The following ABLIM2 variants were observed in gnomAD, a reference collection of about 807,000 sequenced individuals.
ABLIM2 encodes the protein actin-binding LIM protein 2.
Under a neutral mutation model 97.7 loss-of-function variants are expected in ABLIM2, and 53 were observed. The observed-to-expected ratio is 0.54, with a 90% confidence interval of 0.44 to 0.68. The LOEUF (loss-of-function observed/expected upper bound fraction) is 0.68. Among genes scored for constraint, ABLIM2 ranks in the 30% least tolerant of loss-of-function variants. The probability of loss-of-function intolerance (pLI) is 0.00; values close to 1 mark genes in which losing one functional copy is unlikely to be tolerated. For synonymous variants in ABLIM2, 361 were observed against 345.8 expected (o/e 1.04, Z -0.49); for missense variants, 835 against 867.2 (o/e 0.96, Z 0.47).
At chr4:8,158,202 G>A (rs1375615991) in intron 1 of ABLIM2, among the ~76,000 whole-genome samples, 1 of 152,332 alleles carries the variant, frequency 6.6e-6, no homozygotes, top group African/African-American at 2.4e-5. Flanking sequence ...CCTGGGCGCC[G>A]AGGGTCGGCC....
intron 16 of ABLIM2, chr4:7,993,854 C>G: frequency 2.1e-6 from 1 of 468,572 alleles, no homozygotes; most frequent in Non-Finnish European, 4.3e-6. Flanking sequence ...TCCCAGCCCC[C>G]ACCGAGCTCC....
At chr4:8,057,695 C>T (rs1168618679) in intron 7 of ABLIM2, among the ~76,000 whole-genome samples, 1 of 152,212 alleles carries the variant, frequency 6.6e-6, no homozygotes, top group Non-Finnish European at 1.5e-5. Context: ...ATCTAATGCC[C>T]CACCCCATGT....
At chr4:8,024,707 C>T (rs901311917) in intron 12 of ABLIM2, among the ~76,000 whole-genome samples, 3 of 152,194 alleles carry the variant, frequency 2.0e-5, no homozygotes, top group Admixed American at 1.3e-4. Flanking sequence ...AACGGGACCC[C>T]GGGTAGAAGC....
chr4:8,152,113 C>A (rs143393168), intron 1 of ABLIM2, among the ~76,000 whole-genome samples: 1 of 152,166 alleles, frequency 6.6e-6, no homozygotes, highest in Non-Finnish European at 1.5e-5. Context: ...GTGAGACCCT[C>A]ACCAAGAAGC....
chr4:7,982,785 C>A (rs555180609), intron 20 of ABLIM2, among the ~76,000 whole-genome samples: 1 of 152,212 alleles, frequency 6.6e-6, no homozygotes, highest in South Asian at 2.1e-4. Flanking sequence ...CTCACTGCAA[C>A]CTCTGCCTCC....
intron 3 of ABLIM2, among the ~76,000 whole-genome samples, chr4:8,091,598 TTA>T (rs1491131226): frequency 5.3e-4 from 18 of 33,794 alleles, no homozygotes; most frequent in East Asian, 2.4e-3. Flanking sequence ...ATATATATAA[TTA>T]TATATATTAT....
rs1846190478 is a variant in ABLIM2 at position 8,123,046 on chromosome 4, T to C, written c.11-16409A>G. Among the ~76,000 whole-genome samples, 1 of 152,200 alleles carries C rather than the reference T, an allele frequency of 6.6e-6. No homozygotes were observed. Among genetic ancestry groups the C allele is most frequent in the African/African-American group, 2.4e-5 (1 of 41,456 alleles). On this transcript the variant is annotated intron_variant, in intron 1 of 20. Coordinates refer to ENST00000447017, the MANE Select transcript of ABLIM2 (RefSeq NM_001130083.2). This position sits in a 1 kb window ranked among gnomAD's most constrained non-coding sequence, Gnocchi z 6.2. Reference sequence around the variant, plus strand: ...GCCTCCTTCCTATCTGCTGCTGCTCTTCCTGGCATGAAGCAGTCCCCTGTG... The same window carrying C: ...GCCTCCTTCCTATCTGCTGCTGCTCCTCCTGGCATGAAGCAGTCCCCTGTG...
intron 20 of ABLIM2, among the ~76,000 whole-genome samples, chr4:7,968,377 G>A (rs896615081): frequency 6.6e-6 from 1 of 152,240 alleles, no homozygotes; most frequent in African/African-American, 2.4e-5. Context: ...GATGATGGTC[G>A]CCCATGTTCC....
rs1418228633 is a variant in ABLIM2, at chr4:8,158,616, C to A, written c.10+64G>T. 1.1e-5 allele frequency: 16 copies of A among 1,502,388 alleles called. No individual in the cohort carries two copies. In the East Asian group the frequency reaches 1.9e-4, roughly 18 times the overall value. 93.1% of individuals were successfully genotyped at this position (1,502,388 alleles called of 1,614,324 possible). Reference sequence around the variant, plus strand: ...TGCAGGTGCAGCCTCCGAATGCCACCCAGCCCTTGCGGCGCCGCGAGCCAG... The same window carrying A: ...TGCAGGTGCAGCCTCCGAATGCCACACAGCCCTTGCGGCGCCGCGAGCCAG... On this transcript the variant is annotated intron_variant, in intron 1 of 20. Transcript: ENST00000447017.
At chr4:7,973,248 T>G (rs1729740615) in intron 20 of ABLIM2, among the ~76,000 whole-genome samples, 1 of 151,870 alleles carries the variant, frequency 6.6e-6, no homozygotes, top group African/African-American at 2.4e-5. Context: ...CAGTGGCTCA[T>G]GCCTGTAATC....
intron 17 of ABLIM2, among the ~76,000 whole-genome samples, chr4:7,990,403 C>T (rs1320367785): frequency 2.0e-5 from 3 of 152,090 alleles, no homozygotes; most frequent in Middle Eastern, 3.2e-3. Flanking sequence ...GCAGGCTGGT[C>T]TTGAACTCCT....
chr4:8,152,629 T>C (rs1192496154), intron 1 of ABLIM2, among the ~76,000 whole-genome samples: 1 of 152,146 alleles, frequency 6.6e-6, no homozygotes, highest in Non-Finnish European at 1.5e-5. Flanking sequence ...GCCTCGGAGG[T>C]CTGCTCTTTC....
chr4:8,086,062 A>G (rs1823404293), intron 4 of ABLIM2, among the ~76,000 whole-genome samples: 1 of 152,182 alleles, frequency 6.6e-6, no homozygotes, highest in African/African-American at 2.4e-5. Flanking sequence ...GACTGCAGAC[A>G]TCCACGCAGG....
intron 2 of ABLIM2, among the ~76,000 whole-genome samples, chr4:8,099,802 G>A (rs1297470149): frequency 5.3e-5 from 8 of 152,206 alleles, no homozygotes; most frequent in Middle Eastern, 3.4e-3. Context: ...CCGAGATCGC[G>A]CCACTGCACT....
chr4:8,108,870 CT>C (rs1347425898), intron 1 of ABLIM2, among the ~76,000 whole-genome samples: 3 of 152,350 alleles, frequency 2.0e-5, no homozygotes, highest in East Asian at 3.9e-4. Flanking sequence ...CCAGCTCCCC[CT>C]GTCTTGGTCT....
chr4:8,088,970 G>A (rs73216491), intron 3 of ABLIM2, among the ~76,000 whole-genome samples: 3,232 of 152,316 alleles, frequency 0.021, 54 homozygotes, highest in Middle Eastern at 0.041. Context: ...ACACCTCGTA[G>A]ACAGGAAGAT....
At position 7,989,072 on chromosome 4, in the gene ABLIM2, C is replaced by CTTTTTTTT. The variant is rs71175445; in HGVS notation, c.1680+3786_1680+3793dup. 6.6e-4 allele frequency among the ~76,000 whole-genome samples: 54 copies of CTTTTTTTT among 81,352 alleles called. 1 individual carries two copies. The highest frequency in any genetic ancestry group is 8.7e-4 in the Non-Finnish European group (39 of 44,718). The allele number at this position is 81,352 out of a possible 152,430, so 53.4% of individuals were successfully genotyped here. On this transcript the variant is annotated intron_variant, in intron 17 of 20. Coordinates refer to ENST00000447017, the MANE Select transcript of ABLIM2 (RefSeq NM_001130083.2). ...TTTTTTGTTCACTAGACACATTAGT[C>CTTTTTTTT]TTTTTTTTTTTTTTTTTTTTTTTGA...
At chr4:8,020,819 A>G (rs569396305) in intron 12 of ABLIM2, 1 of 164,146 alleles carries the variant, frequency 6.1e-6, no homozygotes, top group South Asian at 1.7e-4. Context: ...AGATAAGAAA[A>G]GAGTAGTATC....
rs1196272351 is a variant in ABLIM2, at chr4:8,085,404, G to A, written c.454+2765C>T. 3.3e-5 allele frequency among the ~76,000 whole-genome samples: 5 copies of A among 152,152 alleles called. No homozygotes were observed. Among genetic ancestry groups the A allele is most frequent in the African/African-American group, 4.8e-5 (2 of 41,456 alleles). ...CCACGGCGTGGCTTTGGAGGAAGCTGCCATCTGGTGTTGGTGTCTCAGTGC... is the reference window on the plus strand; with the variant it reads ...CCACGGCGTGGCTTTGGAGGAAGCTACCATCTGGTGTTGGTGTCTCAGTGC... On this transcript the variant is annotated intron_variant, in intron 4 of 20. Coordinates refer to ENST00000447017, the MANE Select transcript of ABLIM2 (RefSeq NM_001130083.2). This position sits in a 1 kb window ranked among gnomAD's most constrained non-coding sequence, Gnocchi z 6.1.
Sources: allele counts gnomAD v4.1 joint callset (sites outside exome capture counted in the v4.1 genomes callset), GRCh38; gene constraint gnomAD v4.1.1; non-coding constraint Gnocchi (gnomAD v3.1); transcripts MANE v1.5; gene names NCBI Gene and HGNC (gene_info 2026-07-23, HGNC 2026-07-21).